The following BAIAP2L1 variants were observed in gnomAD, a reference collection of about 807,000 sequenced individuals.
The protein encoded by BAIAP2L1 is BAR/IMD domain-containing adapter protein 2-like 1.
In BAIAP2L1, 35 loss-of-function variants were observed where a neutral mutation model predicts 66.3. The ratio of observed to expected loss-of-function variants is 0.53; its 90% confidence interval spans 0.40 to 0.70. The LOEUF (loss-of-function observed/expected upper bound fraction) is 0.70. BAIAP2L1 is among the 30% of genes least tolerant of loss of function. The pLI is 0.00. For synonymous variants in BAIAP2L1, 269 were observed against 248.7 expected, an observed-to-expected ratio of 1.08 and a Z score of -0.77; for missense variants, 622 against 656.9, an observed-to-expected ratio of 0.95 and a Z score of 0.58.
chr7:98,345,239 T>C (rs186264897), intron 3 of BAIAP2L1, among the ~76,000 whole-genome samples: 159 of 152,318 alleles, frequency 1.0e-3, no homozygotes, highest in African/African-American at 3.4e-3. Context: ...GAATCCTTCA[T>C]GAACGGCCAT....
chr7:98,333,926 GT>G (rs2115598236), intron 3 of BAIAP2L1, among the ~76,000 whole-genome samples: 1 of 152,176 alleles, frequency 6.6e-6, no homozygotes, highest in South Asian at 2.1e-4. Context: ...GTTTAATTAT[GT>G]AAAAAGAGGC....
At chr7:98,311,268 G>A (rs999764435) in intron 8 of BAIAP2L1, among the ~76,000 whole-genome samples, 8 of 152,122 alleles carry the variant, frequency 5.3e-5, no homozygotes, top group African/African-American at 1.9e-4. Flanking sequence ...GTATGGTTGG[G>A]TGCAGTGGCT....
At chr7:98,305,133 T>G (rs958243640) in intron 11 of BAIAP2L1, among the ~76,000 whole-genome samples, 2 of 149,228 alleles carry the variant, frequency 1.3e-5, no homozygotes, top group African/African-American at 5.0e-5. Flanking sequence ...TCAGGTGATC[T>G]GCCCGCCTCG....
intron 3 of BAIAP2L1, among the ~76,000 whole-genome samples, chr7:98,353,413 T>C (rs1219827266): frequency 2.2e-5 from 3 of 135,884 alleles, no homozygotes; most frequent in East Asian, 4.0e-4. Context: ...AATATATATA[T>C]TATAAATATA....
chr7:98,339,999 A>T (rs550891808), intron 3 of BAIAP2L1, among the ~76,000 whole-genome samples: 2 of 152,290 alleles, frequency 1.3e-5, no homozygotes, highest in South Asian at 4.1e-4. Flanking sequence ...CAGCGTGAGG[A>T]CAGGGACACT....
chr7:98,341,401 G>A (rs955665156), intron 3 of BAIAP2L1, among the ~76,000 whole-genome samples: 2 of 152,104 alleles, frequency 1.3e-5, no homozygotes, highest in Admixed American at 6.6e-5. Context: ...GAAAAGCACA[G>A]TCCAGGTGCA....
chr7:98,298,708 G>A (rs1800293194), intron 12 of BAIAP2L1, among the ~76,000 whole-genome samples: 1 of 152,214 alleles, frequency 6.6e-6, no homozygotes, highest in Non-Finnish European at 1.5e-5. Flanking sequence ...AACATCATCA[G>A]CTGGTTTAGG....
intron 3 of BAIAP2L1, among the ~76,000 whole-genome samples, chr7:98,337,356 C>T (rs561065044): frequency 8.1e-4 from 124 of 152,196 alleles, no homozygotes; most frequent in African/African-American, 2.6e-3. Context: ...CTCAGTCTCC[C>T]GAGTAGCTGA....
chr7:98,308,192 C>T, intron 9 of BAIAP2L1: 1 of 563,464 alleles, frequency 1.8e-6, no homozygotes, highest in Non-Finnish European at 3.4e-6. Flanking sequence ...TTGATCTGCA[C>T]TGCTTTAGCC....
At chr7:98,339,021 T>G (rs1184803168) in intron 3 of BAIAP2L1, among the ~76,000 whole-genome samples, 1 of 142,808 alleles carries the variant, frequency 7.0e-6, no homozygotes, top group Non-Finnish European at 1.5e-5. Flanking sequence ...TGAGGTGAGG[T>G]GAGACTGTAC....
chr7:98,382,372 A>T (rs2115807529), intron 1 of BAIAP2L1, among the ~76,000 whole-genome samples: 1 of 152,296 alleles, frequency 6.6e-6, no homozygotes, highest in East Asian at 1.9e-4. Context: ...TCAGCCAGGT[A>T]CAGTGGCTCA....
rs572355340 is a variant in BAIAP2L1 at position 98,310,812 on chromosome 7, G to C, written c.808-220C>G. 9.3e-4 allele frequency among the ~76,000 whole-genome samples: 142 copies of C among 152,208 alleles called. 2 individuals are homozygous for C. Among genetic ancestry groups the C allele is most frequent in the African/African-American group, 3.3e-3 (137 of 41,532 alleles). On this transcript the variant is annotated intron_variant, in intron 8 of 13. Transcript: ENST00000005260. The stretch of plus-strand genomic sequence containing the variant: ...AGTGATTCTTGTGCCTCAGCCTCTT[G>C]AGTAGCTGGATAACAGGCACGCACT...
intron 3 of BAIAP2L1, among the ~76,000 whole-genome samples, chr7:98,341,564 T>A (rs1029849954): frequency 6.6e-6 from 1 of 152,078 alleles, no homozygotes; most frequent in African/African-American, 2.4e-5. Context: ...TTTGGACATA[T>A]AGAAAATTAA....
chr7:98,379,950 G>A (rs557226789), intron 1 of BAIAP2L1, among the ~76,000 whole-genome samples: 7 of 152,198 alleles, frequency 4.6e-5, no homozygotes, highest in African/African-American at 1.7e-4. Context: ...ATCTTTTTGA[G>A]GTGACAGAAG....
At chr7:98,325,060 T>A (rs571320122) in intron 3 of BAIAP2L1, among the ~76,000 whole-genome samples, 1 of 152,322 alleles carries the variant, frequency 6.6e-6, no homozygotes, top group East Asian at 1.9e-4. Context: ...TCTAAAGCTA[T>A]GCTGCAGAGA....
Position 98,393,129 on chromosome 7 carries a change from A to ATG in BAIAP2L1, c.51+7672_51+7673insCA, listed in dbSNP as rs1248561453. The stretch of plus-strand genomic sequence containing the variant: ...CATATATGTACACATATATGTATAT[A>ATG]TACACACATATGTGTACATATATAT... On this transcript the variant is annotated intron_variant, in intron 1 of 13. Transcript: ENST00000005260. 6.1e-3 allele frequency among the ~76,000 whole-genome samples: 455 copies of ATG among 74,734 alleles called. 16 individuals are homozygous for ATG. Among genetic ancestry groups the ATG allele is most frequent in the African/African-American group, 0.019 (397 of 20,760 alleles). The allele number at this position is 74,734 out of a possible 152,430, so 49.0% of individuals were successfully genotyped here.
intron 3 of BAIAP2L1, among the ~76,000 whole-genome samples, chr7:98,341,387 G>A (rs567648084): frequency 3.2e-4 from 48 of 150,436 alleles, no homozygotes; most frequent in African/African-American, 8.3e-4. Context: ...AAGTAAAGCC[G>A]TTAGAAAAGC....
At chr7:98,312,303 T>C (rs977195446) in intron 7 of BAIAP2L1, 39 bp from the exon 8 acceptor site, 3 of 1,564,994 alleles carry the variant, frequency 1.9e-6, no homozygotes, top group Non-Finnish European at 2.6e-6. Context: ...ACAAAGAAGA[T>C]TGTCTGAAGA....
intron 13 of BAIAP2L1, 61 bp downstream of exon 13, chr7:98,294,013 G>A (rs1800078189): frequency 6.4e-7 from 1 of 1,571,718 alleles, no homozygotes; most frequent in Non-Finnish European, 8.7e-7. Flanking sequence ...GGCCCTTCCG[G>A]GGGACACTAC....
Sources: allele counts gnomAD v4.1 joint callset (sites outside exome capture counted in the v4.1 genomes callset), GRCh38; gene constraint gnomAD v4.1.1; transcripts MANE v1.5; gene names NCBI Gene and HGNC (gene_info 2026-07-23, HGNC 2026-07-21).